DRICH1: variants seen among roughly 807,000 people sequenced by gnomAD.
The protein encoded by DRICH1 is aspartate-rich protein 1.
In DRICH1, 38 loss-of-function variants were observed where a neutral mutation model predicts 39.5. The ratio of observed to expected loss-of-function variants is 0.96; its 90% CI spans 0.74 to 1.26. DRICH1 has a LOEUF of 1.26. Ranked by LOEUF, DRICH1 falls within the 50% of genes most tolerant of loss-of-function variation. The pLI is 0.00. For missense variants in DRICH1, 279 were observed against 270.4 expected (o/e 1.03, Z -0.22); for synonymous variants, 84 against 99.5 (o/e 0.84, Z 0.93).
At chr22:23,614,284 T>C (rs1261548480) in intron 8 of DRICH1, 70 bp from the exon 9 acceptor site, 3 of 1,076,722 alleles carry the variant, frequency 2.8e-6, no homozygotes, top group South Asian at 1.3e-5. Context: ...GGAGCTTTGC[T>C]GGATGTGGTG....
chr22:23,597,774 G>A, the DRICH1 span, among the ~76,000 whole-genome samples: 1 of 151,794 alleles, frequency 6.6e-6, no homozygotes, highest in Non-Finnish European at 1.5e-5. Context: ...GCAGCCAGGG[G>A]GCAGCATCAG....
downstream of DRICH1, among the ~76,000 whole-genome samples, chr22:23,607,441 G>A (rs1189891820): frequency 6.6e-6 from 1 of 152,042 alleles, no homozygotes; most frequent in Non-Finnish European, 1.5e-5. Context: ...TGGTTGGGGA[G>A]TGTTCCCACA....
chr22:23,584,556 T>C, the DRICH1 span, among the ~76,000 whole-genome samples: 1 of 152,242 alleles, frequency 6.6e-6, no homozygotes, highest in African/African-American at 2.4e-5. Context: ...AAGTGATCTC[T>C]GTTATTTTGG....
At chr22:23,628,323 T>C (rs978187625) in intron 1 of DRICH1, among the ~76,000 whole-genome samples, 1 of 152,162 alleles carries the variant, frequency 6.6e-6, no homozygotes, top group Non-Finnish European at 1.5e-5. Flanking sequence ...TCCTAGAACT[T>C]TGGGAGGCCG....
the DRICH1 span, among the ~76,000 whole-genome samples, chr22:23,587,639 C>T: frequency 3.9e-5 from 6 of 152,188 alleles, no homozygotes; most frequent in Non-Finnish European, 2.9e-5. Flanking sequence ...AATCTGAGAA[C>T]CAACTAGCAA....
chr22:23,623,871 TAC>T, intron 3 of DRICH1: 1 of 846,080 alleles, frequency 1.2e-6, no homozygotes, highest in South Asian at 5.3e-5. Flanking sequence ...TCAATGAAGG[TAC>T]CAAGAATACA....
chr22:23,595,537 C>T, the DRICH1 span, among the ~76,000 whole-genome samples: 1 of 152,246 alleles, frequency 6.6e-6, no homozygotes, highest in East Asian at 1.9e-4. Flanking sequence ...CACCTTTCTG[C>T]CTAGTTGCCT....
the DRICH1 span, among the ~76,000 whole-genome samples, chr22:23,599,877 G>A: frequency 6.6e-6 from 1 of 152,164 alleles, no homozygotes; most frequent in Non-Finnish European, 1.5e-5. Flanking sequence ...GGACCCCAGT[G>A]CCACAGCCCC....
Position 23,624,869 on chromosome 22 carries a change from T to C in DRICH1, c.298+14A>G, listed in dbSNP as rs140094096. 4.7e-5 allele frequency: 75 copies of C among 1,612,806 alleles called. No individual in the cohort carries two copies. The African/African-American group carries it at 9.6e-4, about 21-fold the overall frequency. ...GTTTGTTTCTCAGAAAGTGAGTTAG[T>C]TCAAGGTACGTACCCTGGACAGGTG... On this transcript the variant is annotated intron_variant, in intron 3 of 11. Transcript: ENST00000317749.
chr22:23,624,053 C>T, intron 3 of DRICH1: 1 of 985,334 alleles, frequency 1.0e-6, no homozygotes, highest in Non-Finnish European at 1.2e-6. Flanking sequence ...TTGCAGTGAG[C>T]CCAGAGTGAA....
intron 5 of DRICH1, among the ~76,000 whole-genome samples, chr22:23,619,755 A>G (rs1266189637): frequency 6.6e-6 from 1 of 152,254 alleles, no homozygotes; most frequent in Non-Finnish European, 1.5e-5. Context: ...CTCCATTTCC[A>G]AGACACTGGA....
chr22:23,581,753 T>C, the DRICH1 span, among the ~76,000 whole-genome samples: 1 of 147,006 alleles, frequency 6.8e-6, no homozygotes. Flanking sequence ...ATTACAGGCA[T>C]GCACCACCAC....
chr22:23,608,085 T>C (rs879443728), downstream of DRICH1: 1 of 152,526 alleles, frequency 6.6e-6, no homozygotes, highest in Non-Finnish European at 1.5e-5. Flanking sequence ...AAAAGAGGGC[T>C]AGGGTGAGAG....
intron 4 of DRICH1, among the ~76,000 whole-genome samples, chr22:23,620,967 G>A (rs61479247): frequency 0.082 from 12,407 of 152,138 alleles, 539 homozygotes; most frequent in Middle Eastern, 0.13. Flanking sequence ...TCATGTATTC[G>A]ATGAAAAGAA....
intron 11 of DRICH1, among the ~76,000 whole-genome samples, chr22:23,612,095 G>T (rs1319464602): frequency 6.6e-6 from 1 of 152,174 alleles, no homozygotes; most frequent in African/African-American, 2.4e-5. Flanking sequence ...CTCCACAAAA[G>T]TGAGTGCTGG....
chr22:23,607,496 G>A (rs1451104562), downstream of DRICH1, among the ~76,000 whole-genome samples: 2 of 149,692 alleles, frequency 1.3e-5, no homozygotes, highest in African/African-American at 5.0e-5. Flanking sequence ...GACCCCCAGA[G>A]TCCCTGCCTT....
chr22:23,602,462 G>C, the DRICH1 span, among the ~76,000 whole-genome samples: 1,526 of 150,808 alleles, frequency 0.01, 10 homozygotes, highest in African/African-American at 0.035. Flanking sequence ...AGGCAGGTGG[G>C]TCACTTGGGG....
At chr22:23,596,976 T>A in the DRICH1 span, among the ~76,000 whole-genome samples, 1 of 151,338 alleles carries the variant, frequency 6.6e-6, no homozygotes, top group Admixed American at 6.6e-5. Context: ...GCTGTCTGTT[T>A]CTCTCTTCAA....
chr22:23,615,816 T>C (rs979358440), intron 8 of DRICH1, among the ~76,000 whole-genome samples: 2 of 152,338 alleles, frequency 1.3e-5, no homozygotes, highest in South Asian at 4.1e-4. Flanking sequence ...CTCATAAGTT[T>C]CACAGATATA....
Sources: allele counts gnomAD v4.1 joint callset (sites outside exome capture counted in the v4.1 genomes callset), GRCh38; gene constraint gnomAD v4.1.1; transcripts MANE v1.5; gene names NCBI Gene and HGNC (gene_info 2026-07-23, HGNC 2026-07-21).